The following SORD variants were observed in gnomAD, a reference collection of about 807,000 sequenced individuals.
SORD encodes the protein sorbitol dehydrogenase.
SORD carries 18 observed loss-of-function variants against 35.6 expected under a neutral mutation model. That is an observed-to-expected ratio of 0.51 (90% CI 0.35 to 0.75). SORD has a LOEUF of 0.75. SORD is among the 30% of genes least tolerant of loss of function. SORD has a pLI of 0.01. For synonymous variants in SORD, 106 were observed against 152.9 expected, an observed-to-expected ratio of 0.69 and a Z score of 2.26; for missense variants, 250 against 390.2, an observed-to-expected ratio of 0.64 and a Z score of 3.03.
intron 1 of SORD, among the ~76,000 whole-genome samples, chr15:45,031,392 T>G (rs1403100739): frequency 6.6e-6 from 1 of 151,674 alleles, no homozygotes; most frequent in Non-Finnish European, 1.5e-5. Flanking sequence ...CGCTGACTGA[T>G]GAACAGATTT....
chr15:45,058,486 A>G (rs935224593), intron 3 of SORD: 1 of 152,210 alleles, frequency 6.6e-6, no homozygotes. Flanking sequence ...AGAGAAAAAA[A>G]AAAAAACTAT....
At chr15:45,048,900 G>T (rs771520156) in intron 3 of SORD, among the ~76,000 whole-genome samples, 4 of 152,144 alleles carry the variant, frequency 2.6e-5, no homozygotes, top group Non-Finnish European at 5.9e-5. Flanking sequence ...CTGTGTAGCT[G>T]CGTGTGTAGC....
At chr15:45,030,951 C>T (rs1312466456) in intron 1 of SORD, among the ~76,000 whole-genome samples, 2 of 152,250 alleles carry the variant, frequency 1.3e-5, no homozygotes, top group African/African-American at 4.8e-5. Context: ...AGAGGTTTCA[C>T]AATAACTCAA....
At chr15:45,044,821 C>T (rs1893020884) in intron 3 of SORD, among the ~76,000 whole-genome samples, 2 of 151,908 alleles carry the variant, frequency 1.3e-5, no homozygotes, top group Admixed American at 6.6e-5. Context: ...CCTCAGCCTC[C>T]CGAGTAGCTG....
intron 1 of SORD, among the ~76,000 whole-genome samples, chr15:45,028,876 G>A (rs1379125820): frequency 1.3e-5 from 2 of 152,228 alleles, no homozygotes; most frequent in Admixed American, 6.5e-5. Flanking sequence ...ATTTTGGGGT[G>A]AGAAGCGGAT....
At chr15:45,060,318 A>C (rs1223454493) in intron 3 of SORD, among the ~76,000 whole-genome samples, 1 of 152,206 alleles carries the variant, frequency 6.6e-6, no homozygotes, top group Non-Finnish European at 1.5e-5. Context: ...CAGTTCTTTG[A>C]ATTTTGCTGT....
At chr15:45,049,905 T>C (rs1308453424) in intron 3 of SORD, among the ~76,000 whole-genome samples, 8 of 152,242 alleles carry the variant, frequency 5.3e-5, no homozygotes, top group Admixed American at 5.2e-4. Flanking sequence ...TATTTTTCTC[T>C]TGCCAGTCCT....
chr15:45,070,487 G>C (rs1566965683), intron 7 of SORD: 6 of 154,516 alleles, frequency 3.9e-5, no homozygotes. Context: ...GGAAGCAGTG[G>C]GGGAGAGGGA....
intron 1 of SORD, among the ~76,000 whole-genome samples, chr15:45,024,272 C>T (rs1383826477): frequency 1.3e-5 from 2 of 152,144 alleles, no homozygotes; most frequent in Non-Finnish European, 2.9e-5. Context: ...AAAGTACATG[C>T]GTCAGTATGT....
intron 2 of SORD, among the ~76,000 whole-genome samples, chr15:45,040,769 T>C (rs1892954088): frequency 6.6e-6 from 1 of 152,204 alleles, no homozygotes. Context: ...CTAATGACAG[T>C]GTACCCTATC....
intron 1 of SORD, among the ~76,000 whole-genome samples, chr15:45,038,512 A>G (rs59296863): frequency 0.047 from 7,194 of 152,180 alleles, 209 homozygotes; most frequent in South Asian, 0.12. Flanking sequence ...TTAGCACTGA[A>G]CCTCTTCAAC....
chr15:45,073,539 G>C lies in SORD; in HGVS notation c.*9G>C, dbSNP rs1385072143. ...GTGACCAGAATCCCTGATGTTAATG[G>C]GCTCTGCCCTCATCCCCACAGTCTT... On this transcript the variant is annotated 3_prime_UTR_variant, in exon 9 of 9. Transcript: ENST00000267814. The C allele has an allele frequency of 6.3e-7, 1 of 1,596,916 alleles. No homozygotes were observed. The highest frequency in any genetic ancestry group is 1.5e-5 in the African/African-American group (1 of 68,466).
chr15:45,056,816 T>A (rs1478870291), intron 3 of SORD, among the ~76,000 whole-genome samples: 1 of 152,234 alleles, frequency 6.6e-6, no homozygotes, highest in East Asian at 1.9e-4. Context: ...AAACTGCCTA[T>A]GTATTGGTTT....
At chr15:45,046,506 G>A (rs2141272525) in intron 3 of SORD, among the ~76,000 whole-genome samples, 1 of 152,318 alleles carries the variant, frequency 6.6e-6, no homozygotes, top group East Asian at 1.9e-4. Flanking sequence ...GCCTCCCAGA[G>A]TGCTGGGTTT....
chr15:45,023,570 C>T (rs1387418537), intron 1 of SORD, among the ~76,000 whole-genome samples: 4 of 152,226 alleles, frequency 2.6e-5, no homozygotes, highest in African/African-American at 7.2e-5. Flanking sequence ...AACCTAGCCC[C>T]GTGGCTGGCA....
intron 8 of SORD, among the ~76,000 whole-genome samples, chr15:45,072,696 T>C (rs1295719829): frequency 7.0e-6 from 1 of 142,824 alleles, no homozygotes; most frequent in Non-Finnish European, 1.5e-5. Flanking sequence ...GTCTGCTGCT[T>C]ATCCCCCCCA....
At chr15:45,047,153 G>A (rs1316165056) in intron 3 of SORD, 1 of 152,060 alleles carries the variant, frequency 6.6e-6, no homozygotes, top group Non-Finnish European at 1.5e-5. Context: ...GTAGAACAAG[G>A]AGTATTATCT....
intron 3 of SORD, among the ~76,000 whole-genome samples, chr15:45,059,366 A>G (rs923645355): frequency 1.3e-5 from 2 of 150,986 alleles, no homozygotes; most frequent in African/African-American, 2.4e-5. Flanking sequence ...AACATGCACA[A>G]AAAAAAAACC....
intron 3 of SORD, among the ~76,000 whole-genome samples, chr15:45,056,231 C>T (rs1216202368): frequency 1.3e-5 from 2 of 151,988 alleles, no homozygotes; most frequent in Non-Finnish European, 2.9e-5. Context: ...GATTGTATAT[C>T]TAGAAAATCC....
Sources: gnomAD v4.1 joint callset for allele counts (sites outside exome capture counted in the v4.1 genomes callset) on GRCh38, gnomAD v4.1.1 for gene constraint, MANE v1.5 for transcripts, NCBI Gene and HGNC (gene_info 2026-07-23, HGNC 2026-07-21) for gene names.